CHMP4A: variants seen among roughly 807,000 people sequenced by gnomAD.
CHMP4A encodes the protein SNF7 homolog associated with Alix-2.
In CHMP4A, 29 loss-of-function variants were observed where a neutral mutation model predicts 28.2. That is an observed-to-expected ratio of 1.03 (90% confidence interval 0.77 to 1.40). CHMP4A has a LOEUF of 1.40. CHMP4A is among the 40% of genes most tolerant of loss of function. The pLI is 0.00. For missense variants in CHMP4A, 241 were observed against 263.5 expected (o/e 0.91, Z 0.59); for synonymous variants, 88 against 99.3 (o/e 0.89, Z 0.67).
At chr14:24,210,792 GA>G in intron 3 of CHMP4A, 24 bp from the exon 4 acceptor site, 1 of 1,556,742 alleles carries the variant, frequency 6.4e-7, no homozygotes. Flanking sequence ...AGATAGCTAA[GA>G]AATCACGCAA....
intron 1 of CHMP4A, among the ~76,000 whole-genome samples, chr14:24,212,355 A>G (rs1045779096): frequency 6.6e-6 from 1 of 152,012 alleles, no homozygotes; most frequent in African/African-American, 2.4e-5. Context: ...TCGGCCTCCC[A>G]AAGTGTTTTG....
chr14:24,212,203 C>T, intron 1 of CHMP4A: 1 of 176,924 alleles, frequency 5.7e-6, no homozygotes, highest in South Asian at 1.1e-4. Context: ...AAGCAATTCT[C>T]CTGCCTCAGC....
chr14:24,211,346 G>A, intron 3 of CHMP4A, 69 bp downstream of exon 3: 1 of 1,369,426 alleles, frequency 7.3e-7, no homozygotes, highest in Non-Finnish European at 1.0e-6. Flanking sequence ...AGGCTTTAAA[G>A]TTTAAAGTGT....
chr14:24,213,197 C>T, intron 1 of CHMP4A: 2 of 545,010 alleles, frequency 3.7e-6, no homozygotes, highest in Non-Finnish European at 6.2e-6. Context: ...TGGGGGAGGA[C>T]GGCGGACGGG....
At chr14:24,213,246 C>T in intron 1 of CHMP4A, 163 bp downstream of exon 1, 1 of 812,596 alleles carries the variant, frequency 1.2e-6, no homozygotes, top group Non-Finnish European at 1.8e-6. Flanking sequence ...TTGGCACCGG[C>T]GATGAGCCTT....
Position 24,211,407 on chromosome 14 carries a change from G to T in CHMP4A, c.359+8C>A. The T allele has an allele frequency of 1.3e-6, 2 of 1,589,226 alleles. No individual in the cohort carries two copies. The highest frequency in any genetic ancestry group is 2.2e-5 in the South Asian group (2 of 90,054). On this transcript the variant is annotated splice_region_variant and intron_variant, in intron 3 of 5. Coordinates refer to ENST00000347519, the MANE Select transcript of CHMP4A (RefSeq NM_014169.5). ...CTGGGTCCCCTCCACCCCTCCCCCC[G>T]TACCCACATGTCCTGGTAGGCCTTC...
In CHMP4A at chr14:24,213,181, TGA is replaced by T. The variant is rs1021499380; in HGVS notation, c.31+226_31+227del. 9.5e-5 allele frequency: 50 copies of T among 528,542 alleles called. No individual in the cohort carries two copies. The Middle Eastern group carries it at 5.3e-3, about 56-fold the overall frequency. 32.7% of individuals were successfully genotyped at this position (528,542 alleles called of 1,614,324 possible). On this transcript the variant is annotated intron_variant, in intron 1 of 5. Coordinates refer to ENST00000347519, the MANE Select transcript of CHMP4A (RefSeq NM_014169.5). The stretch of plus-strand genomic sequence containing the variant: ...CTCCCAGATCTTGAGTTCTTCCCTC[TGA>T]GAGTGGGGGAGGACGGCGGACGGGA...
rs1482901780 is a variant in CHMP4A at position 24,209,832 on chromosome 14, G to A, written c.*45C>T. Reference sequence around the variant, plus strand: ...AGCTCAGCACTTGGCACTTAAGGAAGAAAGGACCAACAAAGGTAGCATTAG... The same window carrying A: ...AGCTCAGCACTTGGCACTTAAGGAAAAAAGGACCAACAAAGGTAGCATTAG... On this transcript the variant is annotated 3_prime_UTR_variant, in exon 6 of 6. Transcript: ENST00000347519. 2.5e-6 allele frequency: 4 copies of A among 1,576,674 alleles called. No individual in the cohort carries two copies. In the African/African-American group the frequency reaches 4.1e-5, roughly 16 times the overall value.
intron 1 of CHMP4A, 89 bp from the exon 2 acceptor site, chr14:24,211,918 G>T: frequency 8.3e-7 from 1 of 1,211,626 alleles, no homozygotes; most frequent in Non-Finnish European, 1.1e-6. Flanking sequence ...CTAGAGACCT[G>T]ACTGTGTTAT....
chr14:24,210,919 G>A, intron 3 of CHMP4A, 151 bp from the exon 4 acceptor site: 1 of 640,622 alleles, frequency 1.6e-6, no homozygotes, highest in Non-Finnish European at 2.8e-6. Flanking sequence ...TTGCAAAGAT[G>A]CAAGTTGTGA....
Position 24,209,908 on chromosome 14 carries a change from G to C in CHMP4A, c.638C>G (p.Ala213Gly). 1.2e-6 allele frequency: 2 copies of C among 1,614,066 alleles called. No individual in the cohort carries two copies. The highest frequency in any genetic ancestry group is 1.7e-6 in the Non-Finnish European group (2 of 1,179,988). Residue 213 changes from alanine (A) to glycine (G), a missense_variant, in exon 6 of 6, where the codon GCA (alanine) becomes GGA (glycine). Ala to Gly is a moderately conservative substitution (Grantham distance 60, BLOSUM62 0). Transcript: ENST00000347519. ...TACCCACTCAGCCAACTGCTTTAGT[G>C]CTTCTTCATCTTCATCCACTTTGGG... The part of the protein sequence containing the change: ...PAPKVDEDEE[A>G]LKQLAEWVS
chr14:24,210,170 C>T (rs1441174771), intron 5 of CHMP4A, among the ~76,000 whole-genome samples, 178 bp downstream of exon 5: 2 of 152,030 alleles, frequency 1.3e-5, no homozygotes, highest in South Asian at 2.1e-4. Context: ...CCAGGGTACA[C>T]GGCTTGTTGA....
At position 24,210,715 on chromosome 14, in the gene CHMP4A, A is replaced by G; in HGVS notation, c.413T>C (p.Val138Ala). 3.1e-6 allele frequency: 5 copies of G among 1,613,938 alleles called. No homozygotes were observed. The highest frequency in any genetic ancestry group is 4.2e-6 in the Non-Finnish European group (5 of 1,179,974). Residue 138 changes from valine to alanine, a missense_variant, in exon 4 of 6, where the codon GTG (valine) becomes GCG (alanine). Physicochemically the swap from Val to Ala is moderately conservative, Grantham distance 64. Transcript: ENST00000347519. ...AATGGCATCTGAGATCTGCTGGGCC[A>G]CCTCCTGTTGTTCCGTGATGTCAGT... ...LMTDITEQQEVAQQISDAISR... is the reference protein window; with the variant it reads ...LMTDITEQQEAAQQISDAISR...
At position 24,213,378 on chromosome 14, in the gene CHMP4A, C is replaced by G. The variant is rs763361911; in HGVS notation, c.31+31G>C. Reference sequence around the variant, plus strand: ...CCTCTTCCCCTGCACCAGCCAGCGCCTCCTGGCTGGCCAGTCCCACCCTGG... The same window carrying G: ...CCTCTTCCCCTGCACCAGCCAGCGCGTCCTGGCTGGCCAGTCCCACCCTGG... On this transcript the variant is annotated intron_variant, in intron 1 of 5. Transcript: ENST00000347519. 1.7e-5 allele frequency: 27 copies of G among 1,545,640 alleles called. 1 individual carries two copies. The Admixed American group carries it at 5.4e-4, about 31-fold the overall frequency.
chr14:24,211,702 C>G lies in CHMP4A; in HGVS notation c.159G>C (p.Lys53Asn), dbSNP rs754404734. ...KIQQELQTAK[K>N]YGTKNKRAAL... ...TACCTCTCTTATTCTTGGTCCCATA[C>G]TTCTTGGCTGTTTGTAGCTCCTGTT... The change falls in exon 2 of 6, where the codon AAG becomes AAC. Residue 53 changes from lysine (K) to asparagine (N), a missense_variant. By Grantham distance (94) the Lys-to-Asn change is moderately conservative. Coordinates refer to ENST00000347519, the MANE Select transcript of CHMP4A (RefSeq NM_014169.5). 1.9e-6 allele frequency: 3 copies of G among 1,614,198 alleles called. No individual in the cohort carries two copies. In the Admixed American group the frequency reaches 5.0e-5, roughly 27 times the overall value.
intron 4 of CHMP4A, 24 bp downstream of exon 4, chr14:24,210,630 C>A: frequency 6.2e-7 from 1 of 1,603,854 alleles, no homozygotes; most frequent in Non-Finnish European, 8.5e-7. Flanking sequence ...CTGCAATATT[C>A]CCTGACCCTT....
In CHMP4A at chr14:24,209,802, C is replaced by A; in HGVS notation, c.*75G>T. ...CATGACTTCCCCAAAAAGTTATCCT[C>A]CTTTAGCTCAGCACTTGGCACTTAA... On this transcript the variant is annotated 3_prime_UTR_variant, in exon 6 of 6. Transcript: ENST00000347519. 1 of 1,436,798 alleles carries A rather than the reference C, an allele frequency of 7.0e-7. No individual in the cohort carries two copies. The highest frequency in any genetic ancestry group is 1.1e-5 in the South Asian group (1 of 87,300). 89.0% of individuals were successfully genotyped at this position (1,436,798 alleles called of 1,614,324 possible). A position where few individuals can be genotyped will look rare whatever the true frequency, so the allele number is the denominator to read the frequency against.
chr14:24,211,796 G>A lies in CHMP4A; in HGVS notation c.65C>T (p.Ala22Val). The A allele has an allele frequency of 6.2e-7, 1 of 1,613,986 alleles. No individual in the cohort carries two copies. Among genetic ancestry groups the A allele is most frequent in the East Asian group, 2.2e-5 (1 of 44,880 alleles). The change falls in exon 2 of 6, where the codon GCA becomes GTA. Residue 22 changes from alanine to valine, a missense_variant. Transcript: ENST00000347519. ...KKEKGPTPEE[A>V]IQKLKETEKI... ...CTCTGTCTCCTTCAGTTTCTGTATT[G>A]CTTCTTCAGGGGTTGGCCCTTTCTC... is the stretch of plus-strand genomic sequence containing the variant.
intron 1 of CHMP4A, among the ~76,000 whole-genome samples, chr14:24,212,283 C>T (rs1056325297): frequency 2.0e-5 from 3 of 151,898 alleles, no homozygotes; most frequent in Non-Finnish European, 4.4e-5. Context: ...TTAGTACAGA[C>T]AGGCTTTCTC....
Sources: allele counts gnomAD v4.1 joint callset (sites outside exome capture counted in the v4.1 genomes callset), GRCh38; gene constraint gnomAD v4.1.1; transcripts MANE v1.5; gene names NCBI Gene and HGNC (gene_info 2026-07-23, HGNC 2026-07-21).